NUBP1: variants seen among roughly 807,000 people sequenced by gnomAD.
The protein encoded by NUBP1 is cytosolic Fe-S cluster assembly factor NUBP1.
Under a neutral mutation model 41.8 loss-of-function variants are expected in NUBP1, and 46 were observed. The ratio of observed to expected loss-of-function variants is 1.10; its 90% CI spans 0.87 to 1.41. The LOEUF is 1.41. Among genes scored for constraint, NUBP1 ranks in the 40% most tolerant of loss-of-function variants. NUBP1 has a pLI of 0.00. For synonymous variants in NUBP1, 189 were observed against 154.6 expected, an observed-to-expected ratio of 1.22 and a Z score of -1.65; for missense variants, 494 against 414.0, an observed-to-expected ratio of 1.19 and a Z score of -1.68.
At chr16:10,769,013 A>G in intron 10 of NUBP1, 34 bp from the exon 11 acceptor site, 1 of 1,607,316 alleles carries the variant, frequency 6.2e-7, no homozygotes. Flanking sequence ...TAGACAAGCC[A>G]TTAGCACTCT....
intron 7 of NUBP1, 74 bp from the exon 8 acceptor site, chr16:10,761,290 C>T: frequency 2.2e-6 from 3 of 1,359,824 alleles, no homozygotes; most frequent in Non-Finnish European, 3.1e-6. Context: ...GCATTGCAGC[C>T]ATCCCCTCGG....
At chr16:10,752,876 A>G (rs1471297847) in intron 4 of NUBP1, among the ~76,000 whole-genome samples, 198 bp downstream of exon 4, 1 of 151,972 alleles carries the variant, frequency 6.6e-6, no homozygotes, top group African/African-American at 2.4e-5. Flanking sequence ...GCTCACTGCA[A>G]CCTCCACCTC....
At chr16:10,755,463 A>G (rs116849139) in intron 4 of NUBP1, among the ~76,000 whole-genome samples, 2,932 of 152,280 alleles carry the variant, frequency 0.019, 291 homozygotes, top group Admixed American at 0.16. Flanking sequence ...TTTGAACTTG[A>G]GTAACTTTGG....
chr16:10,750,826 G>C (rs1401852241), intron 3 of NUBP1, among the ~76,000 whole-genome samples: 2 of 152,300 alleles, frequency 1.3e-5, no homozygotes, highest in East Asian at 3.9e-4. Flanking sequence ...GCTGAGTAAA[G>C]GAGACGCTTT....
Position 10,767,931 on chromosome 16 carries a change from G to C in NUBP1, c.821-18G>C. On this transcript the variant is annotated intron_variant, in intron 9 of 10. Coordinates refer to ENST00000283027, the MANE Select transcript of NUBP1 (RefSeq NM_002484.4). This position sits in a 1 kb window ranked among gnomAD's most constrained non-coding sequence, Gnocchi z 4.6. ...TTCCTCTTGGACTGAATTGTCTTCC[G>C]TTTGTTTCTTTTTTAAGGTAAGAAT... The C allele has an allele frequency of 6.2e-7, 1 of 1,612,846 alleles. No individual in the cohort carries two copies. The highest frequency in any genetic ancestry group is 8.5e-7 in the Non-Finnish European group (1 of 1,178,898).
intron 9 of NUBP1, 55 bp downstream of exon 9, chr16:10,761,914 C>G (rs573623584): frequency 7.1e-7 from 1 of 1,405,380 alleles, no homozygotes; most frequent in Non-Finnish European, 1.0e-6. Context: ...CCCACAGGCA[C>G]GGGTCGGGCA....
At chr16:10,761,172 G>A (rs564005899) in intron 7 of NUBP1, 192 bp from the exon 8 acceptor site, 1 of 512,654 alleles carries the variant, frequency 2.0e-6, no homozygotes, top group Non-Finnish European at 3.5e-6. Context: ...TTCCTGTAGG[G>A]ATGTAGGGAT....
Position 10,752,596 on chromosome 16 carries a change from C to G in NUBP1, c.259-14C>G, listed in dbSNP as rs750895102. The G allele has an allele frequency of 4.3e-6, 7 of 1,612,218 alleles. No homozygotes were observed. The highest frequency in any genetic ancestry group is 5.1e-6 in the Non-Finnish European group (6 of 1,178,624). On this transcript the variant is annotated splice_polypyrimidine_tract_variant and intron_variant, in intron 3 of 10. Coordinates refer to ENST00000283027, the MANE Select transcript of NUBP1 (RefSeq NM_002484.4). The stretch of plus-strand genomic sequence containing the variant: ...TTCAGTTATATAACCGCTTTGGTCT[C>G]TTCTTGTCCCCAGATTGCTCTTCTA...
In NUBP1 at chr16:10,766,769, T is replaced by C. The variant is rs999865186; in HGVS notation, c.821-1180T>C. The C allele has an allele frequency of 2.5e-6, 1 of 396,568 alleles. No homozygotes were observed. The highest frequency in any genetic ancestry group is 4.4e-6 in the Non-Finnish European group (1 of 225,384). 24.6% of individuals were successfully genotyped at this position (396,568 alleles called of 1,614,324 possible). Reference sequence around the variant, plus strand: ...GAGAATAGGGGCTCAAAGGCCCCATTACAGAGTTTTTGTGTTTAAATACCC... The same window carrying C: ...GAGAATAGGGGCTCAAAGGCCCCATCACAGAGTTTTTGTGTTTAAATACCC... On this transcript the variant is annotated intron_variant, in intron 9 of 10. Coordinates refer to ENST00000283027, the MANE Select transcript of NUBP1 (RefSeq NM_002484.4). This position sits in a 1 kb window ranked among gnomAD's most constrained non-coding sequence, Gnocchi z 4.8.
Position 10,767,086 on chromosome 16 carries a change from G to C in NUBP1, c.821-863G>C, listed in dbSNP as rs2030991088. 2.5e-6 allele frequency: 1 copy of C among 398,640 alleles called. No homozygotes were observed. Among genetic ancestry groups the C allele is most frequent in the Admixed American group, 4.4e-5 (1 of 22,722 alleles). The allele number at this position is 398,640 out of a possible 1,614,324, so 24.7% of individuals were successfully genotyped here. ...AGTGCTAGGTAGGAACCCCTCCTGG[G>C]GTTCACCTGAGGCTGGTGACCGGCC... On this transcript the variant is annotated intron_variant, in intron 9 of 10. Transcript: ENST00000283027. The surrounding 1 kb of genome is among the most constrained non-coding windows in gnomAD (Gnocchi z 4.6).
In NUBP1 at chr16:10,755,807, A is replaced by C. The variant is rs1250301838; in HGVS notation, c.360+54A>C. 5.8e-6 allele frequency: 9 copies of C among 1,561,374 alleles called. No homozygotes were observed. In the South Asian group the frequency reaches 1.0e-4, roughly 17 times the overall value. ...CACAGTAGTGTGTGGTTGTGTGTAC[A>C]TAATGGGTTTGTGGTTTGTTGGTCC... On this transcript the variant is annotated intron_variant, in intron 5 of 10. Transcript: ENST00000283027.
chr16:10,752,787 T>G (rs1900379812), intron 4 of NUBP1, 109 bp downstream of exon 4: 3 of 965,424 alleles, frequency 3.1e-6, no homozygotes, highest in Admixed American at 4.1e-5. Flanking sequence ...AATGTTTTTT[T>G]GTTGTTGTTT....
At chr16:10,746,532 G>A (rs1900071624) in intron 2 of NUBP1, among the ~76,000 whole-genome samples, 1 of 152,196 alleles carries the variant, frequency 6.6e-6, no homozygotes, top group South Asian at 2.1e-4. Flanking sequence ...CTTGAGGTTG[G>A]AAGTTCGAGA....
Position 10,761,804 on chromosome 16 carries a change from G to T in NUBP1, c.765G>T (p.Met255Ile). The T allele has an allele frequency of 6.2e-7, 1 of 1,614,096 alleles. No individual in the cohort carries two copies. Among genetic ancestry groups the T allele is most frequent in the Non-Finnish European group, 8.5e-7 (1 of 1,179,982 alleles). ...CCACAACCGGGGGCGCGGAGCTCATGTGCCAGGACTTGGAGGTCCCTCTCC... is the reference window on the plus strand; with the variant it reads ...CCACAACCGGGGGCGCGGAGCTCATTTGCCAGGACTTGGAGGTCCCTCTCC... The part of the protein sequence containing the change: ...FPPTTGGAEL[M>I]CQDLEVPLLG... The change falls in exon 9 of 11, where the codon ATG (methionine) becomes ATT (isoleucine). Residue 255 changes from methionine to isoleucine, a missense_variant. Coordinates refer to ENST00000283027, the MANE Select transcript of NUBP1 (RefSeq NM_002484.4).
rs1258398679 is a variant in NUBP1, at chr16:10,757,869, C to T, written c.452-4C>T. On this transcript the variant is annotated splice_polypyrimidine_tract_variant and splice_region_variant and intron_variant, in intron 6 of 10. Coordinates refer to ENST00000283027, the MANE Select transcript of NUBP1 (RefSeq NM_002484.4). This position sits in a 1 kb window ranked among gnomAD's most constrained non-coding sequence, Gnocchi z 4.1. ...AAGCATCCCCTGTGGATTCCTCTTT[C>T]TAGGCATGATCAAGCAGTTCCTCCG... 5.0e-6 allele frequency: 8 copies of T among 1,613,056 alleles called. No homozygotes were observed. The highest frequency in any genetic ancestry group is 6.8e-6 in the Non-Finnish European group (8 of 1,179,262).
Position 10,766,668 on chromosome 16 carries a change from G to A in NUBP1, c.821-1281G>A, listed in dbSNP as rs1163531580. ...TCTGGAACAAAAAATTGGACAAAAC[G>A]CACAAAGAAAGGAAGGAAGGAAGGG... On this transcript the variant is annotated intron_variant, in intron 9 of 10. Transcript: ENST00000283027. This position sits in a 1 kb window ranked among gnomAD's most constrained non-coding sequence, Gnocchi z 4.8. The A allele has an allele frequency of 9.8e-6, 3 of 305,074 alleles. No homozygotes were observed. Among genetic ancestry groups the A allele is most frequent in the East Asian group, 5.3e-5 (1 of 18,714 alleles). 18.9% of individuals were successfully genotyped at this position (305,074 alleles called of 1,614,324 possible). A position where few individuals can be genotyped will look rare whatever the true frequency, so the allele number is the denominator to read the frequency against.
Position 10,768,074 on chromosome 16 carries a change from C to T in NUBP1, c.904+42C>T, listed in dbSNP as rs761688745. ...GTACTAAATGCAGATGCCTGTGGGG[C>T]AGGAAGCAACATAAAGGAGCCAGGG... is the stretch of plus-strand genomic sequence containing the variant. On this transcript the variant is annotated intron_variant, in intron 10 of 10. Transcript: ENST00000283027. The surrounding 1 kb of genome is among the most constrained non-coding windows in gnomAD (Gnocchi z 4.3). The T allele has an allele frequency of 1.3e-6, 2 of 1,583,490 alleles. No homozygotes were observed. Among genetic ancestry groups the T allele is most frequent in the African/African-American group, 1.3e-5 (1 of 74,372 alleles).
chr16:10,750,367 G>A (rs1403714484), intron 3 of NUBP1, among the ~76,000 whole-genome samples: 1 of 152,152 alleles, frequency 6.6e-6, no homozygotes, highest in East Asian at 1.9e-4. Context: ...TCAGCCTCTG[G>A]AGTACCTGGG....
rs1053508332 is a variant in NUBP1, at chr16:10,749,704, A to G, written c.258+2428A>G. 2.6e-5 allele frequency among the ~76,000 whole-genome samples: 4 copies of G among 152,216 alleles called. No individual in the cohort carries two copies. The highest frequency in any genetic ancestry group is 9.6e-5 in the African/African-American group (4 of 41,460). ...GCCCTAAATCCAGCAGGGTGGTGGG[A>G]CATGCCCTGACCTTTTTCTGCCTGC... On this transcript the variant is annotated intron_variant, in intron 3 of 10. Coordinates refer to ENST00000283027, the MANE Select transcript of NUBP1 (RefSeq NM_002484.4). This position sits in a 1 kb window ranked among gnomAD's most constrained non-coding sequence, Gnocchi z 4.1.
Sources: gnomAD v4.1 joint callset for allele counts (sites outside exome capture counted in the v4.1 genomes callset) on GRCh38, gnomAD v4.1.1 for gene constraint, Gnocchi (gnomAD v3.1) non-coding constraint, MANE v1.5 for transcripts, NCBI Gene and HGNC (gene_info 2026-07-23, HGNC 2026-07-21) for gene names.